Variants in DOK7 observed in about 807,000 individuals in gnomAD.
DOK7 encodes docking protein 7, also known as protein Dok-7.
Under a neutral mutation model 30.7 loss-of-function variants are expected in DOK7, and 32 were observed. The observed-to-expected ratio is 1.04, with a 90% confidence interval of 0.79 to 1.40. DOK7 has a LOEUF of 1.40. Ranked by LOEUF, DOK7 falls within the 40% of genes most tolerant of loss-of-function variation. The pLI, the probability that DOK7 is intolerant of heterozygous loss-of-function variation, is 0.00. For synonymous variants in DOK7, 447 were observed against 324.1 expected, an observed-to-expected ratio of 1.38 and a Z score of -4.07; for missense variants, 1,007 against 699.2, an observed-to-expected ratio of 1.44 and a Z score of -4.97.
chr4:3,474,003 C>T (rs965823726), intron 3 of DOK7, among the ~76,000 whole-genome samples: 28 of 152,076 alleles, frequency 1.8e-4, no homozygotes, highest in African/African-American at 6.8e-4. Flanking sequence ...GCTGGGCGGT[C>T]CCACCCCAGC....
intron 5 of DOK7, among the ~76,000 whole-genome samples, chr4:3,489,448 C>T (rs1728028951): frequency 6.6e-6 from 1 of 152,264 alleles, no homozygotes; most frequent in Admixed American, 6.5e-5. Flanking sequence ...GCAGGGCCAT[C>T]CACGGGCACA....
chr4:3,497,377 G>A (rs1042042688), downstream of DOK7, among the ~76,000 whole-genome samples: 3 of 152,072 alleles, frequency 2.0e-5, no homozygotes, highest in Non-Finnish European at 4.4e-5. Context: ...TTGGTGCCCT[G>A]GCAGGTGCAG....
intron 4 of DOK7, among the ~76,000 whole-genome samples, chr4:3,483,519 G>GT (rs1402047861): frequency 2.0e-5 from 3 of 152,206 alleles, no homozygotes; most frequent in African/African-American, 7.2e-5. Flanking sequence ...AGGGTGTCGC[G>GT]TGGGCACGTG....
intron 6 of DOK7, among the ~76,000 whole-genome samples, chr4:3,491,185 C>T (rs1240394574): frequency 1.8e-4 from 2 of 10,896 alleles, no homozygotes; most frequent in Non-Finnish European, 3.8e-4. Context: ...TCATTCCTTC[C>T]CCCCTGCTCA....
intron 2 of DOK7, among the ~76,000 whole-genome samples, chr4:3,463,835 AG>A (rs1202281513): frequency 6.6e-6 from 1 of 152,068 alleles, no homozygotes; most frequent in Non-Finnish European, 1.5e-5. Flanking sequence ...CAGAGCAGCA[AG>A]GGGCCCCCCA....
At position 3,478,464 on chromosome 4, in the gene DOK7, T is replaced by C. The variant is rs188269986; in HGVS notation, c.532+1922T>C. ...GCTGCTGCCTCTCCGGGGCAAGCTG[T>C]TAGAGCAGCCCCACCCGCAAACCTG... On this transcript the variant is annotated intron_variant, in intron 4 of 6. Transcript: ENST00000340083. Among the ~76,000 whole-genome samples the C allele has an allele frequency of 6.3e-3, 499 of 78,854 alleles. 6 individuals carry two copies. The highest frequency in any genetic ancestry group is 0.033 in the African/African-American group (474 of 14,326). The allele number at this position is 78,854 out of a possible 152,430, so 51.7% of individuals were successfully genotyped here.
chr4:3,484,910 T>A, intron 4 of DOK7: 2 of 981,514 alleles, frequency 2.0e-6, no homozygotes, highest in Non-Finnish European at 2.4e-6. Flanking sequence ...GAAGGAAGTG[T>A]GGTCACATGG....
At chr4:3,490,887 C>T (rs1369217511) in intron 6 of DOK7, among the ~76,000 whole-genome samples, 1 of 115,672 alleles carries the variant, frequency 8.6e-6, no homozygotes, top group African/African-American at 3.5e-5. Context: ...CCCTCCTGCT[C>T]ATTAATTTCT....
chr4:3,481,862 T>C (rs1577160275), intron 4 of DOK7, among the ~76,000 whole-genome samples: 2 of 152,292 alleles, frequency 1.3e-5, no homozygotes, highest in South Asian at 2.1e-4. Context: ...GTCCTGGAGT[T>C]AGTGCAACAG....
intron 5 of DOK7, among the ~76,000 whole-genome samples, chr4:3,488,677 T>C (rs1727966996): frequency 1.3e-5 from 2 of 152,228 alleles, no homozygotes; most frequent in Non-Finnish European, 2.9e-5. Flanking sequence ...TTGGACCTGT[T>C]TCGGCTCAGT....
rs112841601 is a variant in DOK7 at position 3,494,295 on chromosome 4, C to T, written c.*794C>T. On this transcript the variant is annotated 3_prime_UTR_variant, in exon 7 of 7. Coordinates refer to ENST00000340083, the MANE Select transcript of DOK7 (RefSeq NM_173660.5). ...CCCCTGGCCCAGGCCTCAGCCCCTG[C>T]GTCGGAGGTGGGGCTGTGTTGGGCC... is the stretch of plus-strand genomic sequence containing the variant. The T allele has an allele frequency of 3.6e-4, 351 of 985,604 alleles. 3 individuals are homozygous for T. In the South Asian group the frequency reaches 6.9e-3, roughly 19 times the overall value. The allele number at this position is 985,604 out of a possible 1,614,324, so 61.1% of individuals were successfully genotyped here.
chr4:3,493,227 C>T lies in DOK7; in HGVS notation c.1241C>T (p.Ala414Val), dbSNP rs780514162. 1.2e-6 allele frequency: 2 copies of T among 1,611,934 alleles called. No individual in the cohort carries two copies. The highest frequency in any genetic ancestry group is 1.7e-6 in the Non-Finnish European group (2 of 1,179,704). Residue 414 changes from alanine (A) to valine (V), a missense_variant, in exon 7 of 7, where the codon GCT becomes GTT. Ala to Val is a moderately conservative substitution (Grantham distance 64, BLOSUM62 0). Coordinates refer to ENST00000340083, the MANE Select transcript of DOK7 (RefSeq NM_173660.5). ...HYDTPRSLCL[A>V]PRDHSPPSQG... ...GACACACCACGCAGCCTTTGCCTGGCTCCTAGAGACCACAGCCCCCCCTCA... is the reference window on the plus strand; with the variant it reads ...GACACACCACGCAGCCTTTGCCTGGTTCCTAGAGACCACAGCCCCCCCTCA...
chr4:3,493,738 G>A lies in DOK7; in HGVS notation c.*237G>A. On this transcript the variant is annotated 3_prime_UTR_variant, in exon 7 of 7. Coordinates refer to ENST00000340083, the MANE Select transcript of DOK7 (RefSeq NM_173660.5). ...TGGGTCCGGCAGGTCGGGGTCACCA[G>A]AGCCCCAATGCTCAGCTGCTTCACT... The A allele has an allele frequency of 1.4e-6, 2 of 1,422,126 alleles. No individual in the cohort carries two copies. The highest frequency in any genetic ancestry group is 1.5e-5 in the South Asian group (1 of 65,320). The allele number at this position is 1,422,126 out of a possible 1,614,324, so 88.1% of individuals were successfully genotyped here. A position where few individuals can be genotyped will look rare whatever the true frequency, so the allele number is the denominator to read the frequency against.
chr4:3,490,474 CT>C (rs1728247426), intron 6 of DOK7, among the ~76,000 whole-genome samples: 8 of 124,518 alleles, frequency 6.4e-5, no homozygotes, highest in South Asian at 5.8e-4. Flanking sequence ...TTTCTTCTCC[CT>C]CTGCTCATTC....
chr4:3,493,378 C>G lies in DOK7; in HGVS notation c.1392C>G (p.Ala464=). 6.3e-7 allele frequency: 1 copy of G among 1,595,596 alleles called. No homozygotes were observed. The highest frequency in any genetic ancestry group is 8.5e-7 in the Non-Finnish European group (1 of 1,171,730). ...LVMEAPQGSE[A]TLPGPAPGEP... Reference sequence around the variant, plus strand: ...TGGAGGCCCCCCAGGGCAGCGAGGCCACACTGCCTGGCCCTGCCCCTGGCG... The same window carrying G: ...TGGAGGCCCCCCAGGGCAGCGAGGCGACACTGCCTGGCCCTGCCCCTGGCG... Residue 464 remains alanine (A), a synonymous_variant, in exon 7 of 7, where the codon GCC becomes GCG. Transcript: ENST00000340083.
At chr4:3,496,833 C>G (rs760282991), downstream of DOK7, 12 of 1,535,792 alleles carry the variant, frequency 7.8e-6, no homozygotes, top group South Asian at 1.3e-4. Context: ...GCGGCAGCCT[C>G]AGCCCCAGGA....
chr4:3,483,631 G>C (rs988690780), intron 4 of DOK7, among the ~76,000 whole-genome samples: 1 of 152,198 alleles, frequency 6.6e-6, no homozygotes, highest in South Asian at 2.1e-4. Flanking sequence ...ATGCGGGGCC[G>C]GCTCCACTCC....
chr4:3,490,407 A>ATTCATTCCTTCTTTCTC (rs1728224430), intron 6 of DOK7, among the ~76,000 whole-genome samples: 1 of 7,158 alleles, frequency 1.4e-4, no homozygotes, highest in Non-Finnish European at 2.9e-4. Context: ...TCCTTCTTTC[A>ATTCATTCCTTCTTTCTC]CCCCCCCCAC....
chr4:3,497,755 C>T (rs959126664), downstream of DOK7, among the ~76,000 whole-genome samples: 4 of 152,014 alleles, frequency 2.6e-5, no homozygotes, highest in African/African-American at 9.7e-5. Flanking sequence ...GGGGCGGAGC[C>T]ACAGGCAGGC....
Sources: gnomAD v4.1 joint callset for allele counts (sites outside exome capture counted in the v4.1 genomes callset) on GRCh38, gnomAD v4.1.1 for gene constraint, MANE v1.5 for transcripts, NCBI Gene and HGNC (gene_info 2026-07-23, HGNC 2026-07-21) for gene names.